SLC35F3: variants seen among roughly 807,000 people sequenced by gnomAD.
SLC35F3 encodes the protein putative thiamine transporter SLC35F3.
Under a neutral mutation model 49.9 loss-of-function variants are expected in SLC35F3, and 25 were observed. That is an observed-to-expected ratio of 0.50 (90% CI 0.37 to 0.70). The LOEUF (loss-of-function observed/expected upper bound fraction) is 0.70. Ranked by LOEUF, SLC35F3 falls within the 30% of genes least tolerant of loss-of-function variation. The pLI, the probability that SLC35F3 is intolerant of heterozygous loss-of-function variation, is 0.00. For missense variants in SLC35F3, 525 were observed against 639.8 expected, an observed-to-expected ratio of 0.82 and a Z score of 1.94; for synonymous variants, 275 against 265.4, an observed-to-expected ratio of 1.04 and a Z score of -0.35.
In SLC35F3 at chr1:234,186,662, T is replaced by A. The variant is rs570765575; in HGVS notation, c.284-44755T>A. On this transcript the variant is annotated intron_variant, in intron 2 of 7. Transcript: ENST00000366618. ...GTCTGTTCTGTTGACACAACTTGGG[T>A]CTGATCATGGGTCCACCATCTTAAT... 3.0e-4 allele frequency among the ~76,000 whole-genome samples: 45 copies of A among 152,292 alleles called. No homozygotes were observed. The South Asian group carries it at 4.4e-3, about 15-fold the overall frequency.
At chr1:233,967,713 A>G (rs760530742) in intron 2 of SLC35F3, among the ~76,000 whole-genome samples, 3 of 152,224 alleles carry the variant, frequency 2.0e-5, no homozygotes, top group Non-Finnish European at 4.4e-5. Context: ...TTAGTCTGAG[A>G]AACAACAGCC....
At chr1:234,284,541 C>T (rs759042411) in intron 3 of SLC35F3, among the ~76,000 whole-genome samples, 1 of 152,182 alleles carries the variant, frequency 6.6e-6, no homozygotes, top group African/African-American at 2.4e-5. Context: ...TTCTGTGTGC[C>T]TGGACTGTTG....
intron 2 of SLC35F3, among the ~76,000 whole-genome samples, chr1:234,082,104 C>G (rs1355290924): frequency 6.6e-6 from 1 of 151,526 alleles, no homozygotes; most frequent in African/African-American, 2.4e-5. Context: ...TCACTGAGGT[C>G]AAAGAGGGAC....
At chr1:234,022,320 A>G (rs1341695650) in intron 2 of SLC35F3, among the ~76,000 whole-genome samples, 1 of 152,194 alleles carries the variant, frequency 6.6e-6, no homozygotes, top group Non-Finnish European at 1.5e-5. Context: ...AGAGAGATAA[A>G]TTTACTTTAA....
chr1:234,106,766 G>A (rs1665289746), intron 2 of SLC35F3, among the ~76,000 whole-genome samples: 1 of 152,140 alleles, frequency 6.6e-6, no homozygotes, highest in Non-Finnish European at 1.5e-5. Flanking sequence ...TCCTTGAAAT[G>A]TTGTCATTTG....
intron 2 of SLC35F3, among the ~76,000 whole-genome samples, chr1:234,129,189 G>T (rs946074873): frequency 6.6e-6 from 1 of 152,090 alleles, no homozygotes; most frequent in Non-Finnish European, 1.5e-5. Flanking sequence ...ACATAAATAG[G>T]CACTTTACAA....
chr1:234,076,987 G>GTTTT (rs1025001276), intron 2 of SLC35F3, among the ~76,000 whole-genome samples: 6 of 134,802 alleles, frequency 4.5e-5, no homozygotes, highest in Admixed American at 1.6e-4. Flanking sequence ...AAAGAAAGAG[G>GTTTT]TTTTTTTTTT....
chr1:234,320,041 G>A lies in SLC35F3; in HGVS notation c.1148-57G>A. 2.4e-6 allele frequency: 3 copies of A among 1,228,294 alleles called. No homozygotes were observed. The highest frequency in any genetic ancestry group is 1.9e-4 in the Middle Eastern group (1 of 5,292). 76.1% of individuals were successfully genotyped at this position (1,228,294 alleles called of 1,614,324 possible). A position where few individuals can be genotyped will look rare whatever the true frequency, so the allele number is the denominator to read the frequency against. The stretch of plus-strand genomic sequence containing the variant: ...AACCTGGGTCAGATAGGCCAGCAGG[G>A]AGGTAAAGTACACAGCAGTCATGAA... On this transcript the variant is annotated intron_variant, in intron 6 of 7. Transcript: ENST00000366618. The surrounding 1 kb of genome is among the most constrained non-coding windows in gnomAD (Gnocchi z 4.8).
chr1:234,045,956 A>G (rs1378154815), intron 2 of SLC35F3, among the ~76,000 whole-genome samples: 1 of 152,164 alleles, frequency 6.6e-6, no homozygotes, highest in Non-Finnish European at 1.5e-5. Flanking sequence ...ATATTTATTC[A>G]TGTTAATACA....
intron 2 of SLC35F3, among the ~76,000 whole-genome samples, chr1:234,022,085 C>T (rs572871575): frequency 3.9e-5 from 6 of 152,172 alleles, no homozygotes; most frequent in Non-Finnish European, 7.3e-5. Flanking sequence ...AAATAATTTA[C>T]AGGCAAGATA....
chr1:234,173,594 G>A (rs1301888785), intron 2 of SLC35F3, among the ~76,000 whole-genome samples: 2 of 152,206 alleles, frequency 1.3e-5, no homozygotes, highest in Admixed American at 6.5e-5. Context: ...AAAAGCACTG[G>A]CTAAGCATGG....
intron 3 of SLC35F3, among the ~76,000 whole-genome samples, chr1:234,262,272 C>CACTG (rs144948251): frequency 7.2e-4 from 110 of 152,318 alleles, no homozygotes; most frequent in Middle Eastern, 3.4e-3. Flanking sequence ...CCTGCTGTGG[C>CACTG]ACTGACTTGC....
chr1:234,047,635 C>T (rs747562109), intron 2 of SLC35F3, among the ~76,000 whole-genome samples: 8 of 152,062 alleles, frequency 5.3e-5, no homozygotes, highest in Admixed American at 3.3e-4. Context: ...GACTTGTCAG[C>T]CACTATAATC....
At chr1:234,297,600 C>T (rs530885108) in intron 3 of SLC35F3, among the ~76,000 whole-genome samples, 5 of 151,994 alleles carry the variant, frequency 3.3e-5, no homozygotes, top group Admixed American at 2.6e-4. Flanking sequence ...AAGCTTGGGC[C>T]GGGCACAGTG....
At chr1:234,151,258 G>GAA (rs35828730) in intron 2 of SLC35F3, among the ~76,000 whole-genome samples, 5,513 of 146,068 alleles carry the variant, frequency 0.038, 341 homozygotes, top group African/African-American at 0.13. Flanking sequence ...TAAACTATCA[G>GAA]AAAAAAAAAA....
intron 2 of SLC35F3, among the ~76,000 whole-genome samples, chr1:234,012,954 A>T (rs545463667): frequency 1.3e-5 from 2 of 152,334 alleles, no homozygotes; most frequent in South Asian, 4.1e-4. Flanking sequence ...ATAGGACAAT[A>T]TTGGCCTTGA....
chr1:234,217,319 A>G (rs928703893), intron 2 of SLC35F3, among the ~76,000 whole-genome samples: 1 of 152,208 alleles, frequency 6.6e-6, no homozygotes, highest in Non-Finnish European at 1.5e-5. Context: ...ACTTCATCCA[A>G]CCCTACTCTG....
At chr1:234,272,452 C>G (rs1668122974) in intron 3 of SLC35F3, 2 of 152,190 alleles carry the variant, frequency 1.3e-5, no homozygotes, top group Admixed American at 6.5e-5. Flanking sequence ...CTCTGATCCT[C>G]CCCTGCATTT....
chr1:233,927,106 T>C lies in SLC35F3; in HGVS notation c.283+21348T>C, dbSNP rs577579558. 9.8e-5 allele frequency among the ~76,000 whole-genome samples: 15 copies of C among 152,362 alleles called. No homozygotes were observed. In the East Asian group the frequency reaches 2.7e-3, roughly 27 times the overall value. On this transcript the variant is annotated intron_variant, in intron 2 of 7. Coordinates refer to ENST00000366618, the MANE Select transcript of SLC35F3 (RefSeq NM_173508.4). ...CTTGATAGCTCATTTCTTTTCAGCA[T>C]TGAATAACATTGTATTGTCTAGCTG...
Sources: allele counts gnomAD v4.1 joint callset (sites outside exome capture counted in the v4.1 genomes callset), GRCh38; gene constraint gnomAD v4.1.1; non-coding constraint Gnocchi (gnomAD v3.1); transcripts MANE v1.5; gene names NCBI Gene and HGNC (gene_info 2026-07-23, HGNC 2026-07-21).